PLEKHF2: variants seen among roughly 807,000 people sequenced by gnomAD.
The protein encoded by PLEKHF2 is pleckstrin homology and FYVE domain containing 2.
A neutral mutation model predicts 14.7 loss-of-function variants in PLEKHF2; 4 were observed. The ratio of observed to expected loss-of-function variants is 0.27; its 90% CI spans 0.13 to 0.62. The LOEUF (loss-of-function observed/expected upper bound fraction) is 0.62. PLEKHF2 is among the 20% of genes least tolerant of loss of function. The pLI, the probability that PLEKHF2 is intolerant of heterozygous loss-of-function variation, is 0.85. For missense variants in PLEKHF2, 201 were observed against 307.7 expected (o/e 0.65, Z 2.60); for synonymous variants, 90 against 103.5 (o/e 0.87, Z 0.79).
chr8:95,153,253 A>G (rs976457529), intron 1 of PLEKHF2, among the ~76,000 whole-genome samples: 2 of 152,126 alleles, frequency 1.3e-5, no homozygotes, highest in Admixed American at 6.6e-5. Flanking sequence ...CCTGGAGGAG[A>G]CACGATTACC....
chr8:95,155,161 A>G lies in PLEKHF2; in HGVS notation c.*367A>G, dbSNP rs1042270756. 1.9e-5 allele frequency: 4 copies of G among 207,812 alleles called. No individual in the cohort carries two copies. Among genetic ancestry groups the G allele is most frequent in the Non-Finnish European group, 3.3e-5 (3 of 92,154 alleles). The allele number at this position is 207,812 out of a possible 1,614,324, so 12.9% of individuals were successfully genotyped here. A position where few individuals can be genotyped will look rare whatever the true frequency, so the allele number is the denominator to read the frequency against. On this transcript the variant is annotated 3_prime_UTR_variant, in exon 2 of 2. Coordinates refer to ENST00000315367, the MANE Select transcript of PLEKHF2 (RefSeq NM_024613.4). ...AGCACAGAATGGTGGGAAAGGGGCT[A>G]TAATGTGGTTCATTAATAATGTTAG... is the stretch of plus-strand genomic sequence containing the variant.
chr8:95,143,210 C>T (rs1810456943), intron 1 of PLEKHF2, among the ~76,000 whole-genome samples: 1 of 151,896 alleles, frequency 6.6e-6, no homozygotes, highest in Non-Finnish European at 1.5e-5. Context: ...CGCCATTCTC[C>T]TGCCTCAGCC....
chr8:95,144,454 A>G (rs1394316216), intron 1 of PLEKHF2, among the ~76,000 whole-genome samples: 1 of 152,232 alleles, frequency 6.6e-6, no homozygotes, highest in Admixed American at 6.5e-5. Context: ...ATAGATATGT[A>G]ATTTTTTTCC....
At chr8:95,151,294 G>A (rs559350611) in intron 1 of PLEKHF2, among the ~76,000 whole-genome samples, 6 of 151,998 alleles carry the variant, frequency 3.9e-5, no homozygotes, top group Non-Finnish European at 5.9e-5. Context: ...TTGTATATGA[G>A]TTAATAACGA....
intron 1 of PLEKHF2, among the ~76,000 whole-genome samples, chr8:95,149,028 AAAG>A (rs1346619716): frequency 6.6e-6 from 1 of 152,150 alleles, no homozygotes; most frequent in African/African-American, 2.4e-5. Context: ...AAACAAAAAA[AAAG>A]GGATTAATAG....
At chr8:95,137,211 T>C (rs928346354) in intron 1 of PLEKHF2, among the ~76,000 whole-genome samples, 5 of 152,234 alleles carry the variant, frequency 3.3e-5, no homozygotes, top group African/African-American at 1.2e-4. Context: ...GCCTCAGTGT[T>C]AGCGTGAGGG....
intron 1 of PLEKHF2, among the ~76,000 whole-genome samples, chr8:95,148,971 C>G (rs940304414): frequency 4.0e-5 from 6 of 151,884 alleles, no homozygotes; most frequent in African/African-American, 1.4e-4. Context: ...AGAAGTACAA[C>G]TGACTTCATG....
intron 1 of PLEKHF2, among the ~76,000 whole-genome samples, chr8:95,140,576 C>G (rs1042739207): frequency 3.9e-5 from 6 of 152,202 alleles, no homozygotes; most frequent in African/African-American, 1.4e-4. Context: ...TTCTCCTGAC[C>G]TTGCCTCCTC....
intron 1 of PLEKHF2, among the ~76,000 whole-genome samples, chr8:95,138,511 A>G (rs905194689): frequency 6.6e-6 from 1 of 151,726 alleles, no homozygotes; most frequent in Non-Finnish European, 1.5e-5. Flanking sequence ...TTATACTTAT[A>G]TTTTTCTACA....
intron 1 of PLEKHF2, among the ~76,000 whole-genome samples, chr8:95,145,053 A>G (rs186462853): frequency 3.5e-4 from 54 of 152,230 alleles, no homozygotes; most frequent in African/African-American, 1.2e-3. Context: ...GTGCTGGGTA[A>G]ATGTTAACTT....
intron 1 of PLEKHF2, among the ~76,000 whole-genome samples, chr8:95,141,972 T>C (rs974443389): frequency 6.6e-6 from 1 of 152,346 alleles, no homozygotes; most frequent in South Asian, 2.1e-4. Context: ...CTCTGTGCCA[T>C]GCCCTCACTC....
Position 95,154,460 on chromosome 8 carries a change from A to G in PLEKHF2, c.416A>G (p.Lys139Arg), listed in dbSNP as rs1269476112. Reference sequence around the variant, plus strand: ...ACTGATTTACTCTCCAAAAGTGGGAAGACACCCAGTAATGAACATGCTGCT... The same window carrying G: ...ACTGATTTACTCTCCAAAAGTGGGAGGACACCCAGTAATGAACATGCTGCT... ...CVTDLLSKSG[K>R]TPSNEHAAVW... The change falls in exon 2 of 2, where the codon AAG becomes AGG. Residue 139 changes from lysine (K) to arginine (R), a missense_variant. By Grantham distance (26) the Lys-to-Arg change is conservative. Coordinates refer to ENST00000315367, the MANE Select transcript of PLEKHF2 (RefSeq NM_024613.4). The surrounding 1 kb of genome is among the most constrained non-coding windows in gnomAD (Gnocchi z 5.6). The G allele has an allele frequency of 6.2e-7, 1 of 1,614,010 alleles. No homozygotes were observed. The highest frequency in any genetic ancestry group is 8.5e-7 in the Non-Finnish European group (1 of 1,179,954).
Position 95,154,046 on chromosome 8 carries a change from T to TG in PLEKHF2, c.4dup (p.Val2?), listed in dbSNP as rs1451916737. 6.4e-7 allele frequency: 1 copy of TG among 1,569,320 alleles called. No individual in the cohort carries two copies. Among genetic ancestry groups the TG allele is most frequent in the Non-Finnish European group, 8.6e-7 (1 of 1,158,702 alleles). On this transcript the variant is annotated frameshift_variant and start_lost, in exon 2 of 2. Coordinates refer to ENST00000315367, the MANE Select transcript of PLEKHF2 (RefSeq NM_024613.4). LOFTEE classifies it high-confidence loss of function. The surrounding 1 kb of genome is among the most constrained non-coding windows in gnomAD (Gnocchi z 5.6). ...TTTTTAAAAGGCTATTAGTGAAAGA[T>TG]GGTGGATCGCTTGGCAAACAGTGAA...
intron 1 of PLEKHF2, among the ~76,000 whole-genome samples, chr8:95,145,586 G>A (rs988741288): frequency 6.6e-6 from 1 of 151,994 alleles, no homozygotes; most frequent in Non-Finnish European, 1.5e-5. Flanking sequence ...ACCACGCCTG[G>A]CTAATTTTTT....
intron 1 of PLEKHF2, among the ~76,000 whole-genome samples, chr8:95,134,558 C>A (rs62524807): frequency 0.13 from 19,312 of 152,238 alleles, 1,582 homozygotes; most frequent in Non-Finnish European, 0.17. Flanking sequence ...GAAAATGGCC[C>A]CGCAGAACTT....
At chr8:95,136,331 TATACACACACACAC>T (rs1307399404) in intron 1 of PLEKHF2, among the ~76,000 whole-genome samples, 16 of 107,736 alleles carry the variant, frequency 1.5e-4, no homozygotes, top group African/African-American at 2.0e-4. Context: ...TTTTATTATA[TATACACACACACAC>T]ACACACACAC....
intron 1 of PLEKHF2, among the ~76,000 whole-genome samples, chr8:95,146,661 T>C (rs966662880): frequency 6.6e-6 from 1 of 152,134 alleles, no homozygotes; most frequent in African/African-American, 2.4e-5. Flanking sequence ...AGTTCTTGTC[T>C]GTAGTGTGAA....
intron 1 of PLEKHF2, among the ~76,000 whole-genome samples, chr8:95,148,057 C>CA (rs1360060665): frequency 3.3e-5 from 5 of 150,812 alleles, no homozygotes; most frequent in Admixed American, 3.3e-4. Context: ...TTTCTAAGGA[C>CA]AAAAAATGGA....
At chr8:95,151,740 T>C (rs1444711811) in intron 1 of PLEKHF2, among the ~76,000 whole-genome samples, 2 of 152,084 alleles carry the variant, frequency 1.3e-5, no homozygotes, top group African/African-American at 2.4e-5. Flanking sequence ...TGTTTATTTT[T>C]ACTTTTCCTG....
Sources: allele counts gnomAD v4.1 joint callset (sites outside exome capture counted in the v4.1 genomes callset), GRCh38; gene constraint gnomAD v4.1.1; non-coding constraint Gnocchi (gnomAD v3.1); transcripts MANE v1.5; gene names NCBI Gene and HGNC (gene_info 2026-07-23, HGNC 2026-07-21).